Variants in CBR4 observed in about 807,000 individuals in gnomAD.
CBR4 encodes carbonyl reductase 4, also known as 3-oxoacyl-[acyl-carrier-protein] reductase.
Under a neutral mutation model 21.0 loss-of-function variants are expected in CBR4, and 22 were observed. The observed-to-expected ratio is 1.05, with a 90% confidence interval of 0.75 to 1.50. The LOEUF (loss-of-function observed/expected upper bound fraction) is 1.50, where lower values mean the gene tolerates loss of function less well. Among genes scored for constraint, CBR4 ranks in the 40% most tolerant of loss-of-function variants. The pLI, the probability that CBR4 is intolerant of heterozygous loss-of-function variation, is 0.00. For missense variants in CBR4, 302 were observed against 286.3 expected (o/e 1.05, Z -0.40); for synonymous variants, 100 against 104.4 (o/e 0.96, Z 0.26).
chr4:168,979,816 C>G lies in CBR4; in HGVS notation n.169+22255G>C, dbSNP rs185600965. ...GGGCGGAGCTCCCACAGGCAACTGA[C>G]AGCTCCTCTGCCACTGCCACTGCAA... is the stretch of plus-strand genomic sequence containing the variant. On this transcript the variant is annotated intron_variant and non_coding_transcript_variant, in intron 2 of 3. Transcript: ENST00000509108. 6.6e-5 allele frequency among the ~76,000 whole-genome samples: 10 copies of G among 152,308 alleles called. No homozygotes were observed. The East Asian group carries it at 1.9e-3, about 29-fold the overall frequency.
chr4:168,933,244 C>T (rs940008067), intron 2 of CBR4, among the ~76,000 whole-genome samples: 3 of 152,040 alleles, frequency 2.0e-5, no homozygotes, highest in African/African-American at 7.2e-5. Context: ...AAAAACCATG[C>T]AACTATATGC....
chr4:168,994,551 ATC>A (rs1765089976), intron 4 of CBR4, among the ~76,000 whole-genome samples: 1 of 152,036 alleles, frequency 6.6e-6, no homozygotes, highest in African/African-American at 2.4e-5. Flanking sequence ...AAAATGACAG[ATC>A]TCTGAGGTTT....
intron 2 of CBR4, among the ~76,000 whole-genome samples, chr4:168,969,202 G>T (rs1764131934): frequency 1.3e-5 from 2 of 152,342 alleles, no homozygotes; most frequent in Admixed American, 1.3e-4. Context: ...AGAAAGGTTG[G>T]ACAGCTGCTC....
chr4:168,904,323 A>G (rs1757167195), intron 2 of CBR4: 2 of 181,484 alleles, frequency 1.1e-5, no homozygotes, highest in African/African-American at 4.7e-5. Context: ...ACAAAGTAAA[A>G]TATTTTAAAA....
intron 2 of CBR4, among the ~76,000 whole-genome samples, chr4:168,938,112 T>G (rs542991808): frequency 6.6e-6 from 1 of 152,242 alleles, no homozygotes; most frequent in South Asian, 2.1e-4. Flanking sequence ...TAACAAACAG[T>G]CTGTCAGACC....
In CBR4 at chr4:168,989,156, T is replaced by C. The variant is rs1227013509; in HGVS notation, c.*994A>G. 3.1e-5 allele frequency: 30 copies of C among 966,352 alleles called. No homozygotes were observed. Among genetic ancestry groups the C allele is most frequent in the Non-Finnish European group, 3.3e-5 (27 of 812,618 alleles). The allele number at this position is 966,352 out of a possible 1,614,324, so 59.9% of individuals were successfully genotyped here. ...TTTATGCTTATTCATACAGAATTTA[T>C]TACTTTCTAGAATTTTGGGATAAGA... is the stretch of plus-strand genomic sequence containing the variant. On this transcript the variant is annotated 3_prime_UTR_variant, in exon 5 of 5. Coordinates refer to ENST00000306193, the MANE Select transcript of CBR4 (RefSeq NM_032783.5).
chr4:169,000,272 T>C (rs921198020), intron 4 of CBR4, among the ~76,000 whole-genome samples: 1 of 152,158 alleles, frequency 6.6e-6, no homozygotes, highest in Non-Finnish European at 1.5e-5. Context: ...GGATTGTTTT[T>C]TCTTTTTCTT....
chr4:168,953,710 C>T (rs1260017365), intron 2 of CBR4, among the ~76,000 whole-genome samples: 1 of 152,086 alleles, frequency 6.6e-6, no homozygotes, highest in East Asian at 1.9e-4. Context: ...AGGAGTGAGC[C>T]ACAATGTCCA....
At chr4:168,944,077 C>A (rs1371960697) in intron 2 of CBR4, among the ~76,000 whole-genome samples, 2 of 152,088 alleles carry the variant, frequency 1.3e-5, no homozygotes, top group Non-Finnish European at 2.9e-5. Context: ...TGTTGACTTT[C>A]CCTTTTGAAA....
At chr4:169,008,919 CAAT>C (rs1202674709) in intron 1 of CBR4, 2 of 450,186 alleles carry the variant, frequency 4.4e-6, no homozygotes, top group Non-Finnish European at 8.9e-6. Flanking sequence ...CCAAACCGAT[CAAT>C]AATGTTAACT....
At chr4:168,903,246 C>T (rs533654301) in intron 2 of CBR4, among the ~76,000 whole-genome samples, 2 of 152,160 alleles carry the variant, frequency 1.3e-5, no homozygotes, top group Non-Finnish European at 2.9e-5. Flanking sequence ...CATCACCTCC[C>T]TCCCTACCAA....
At chr4:168,990,360 G>A in intron 4 of CBR4, 32 bp from the exon 5 acceptor site, 7 of 1,494,012 alleles carry the variant, frequency 4.7e-6, no homozygotes, top group African/African-American at 4.3e-5. Context: ...AGTTGAAAAG[G>A]GTACACACTA....
Position 168,898,426 on chromosome 4 carries a change from G to T in CBR4, n.170-3661C>A, listed in dbSNP as rs1156906629. ...CTGTCTTCTAGGGCCTTATTGGGGG[G>T]CAGGGAGAGACGTGACACTTTGTCA... On this transcript the variant is annotated intron_variant and non_coding_transcript_variant, in intron 2 of 3. Transcript: ENST00000509108. 4 of 972,340 alleles carry T rather than the reference G, an allele frequency of 4.1e-6. No homozygotes were observed. The Admixed American group carries it at 6.9e-5, about 17-fold the overall frequency. The allele number at this position is 972,340 out of a possible 1,614,324, so 60.2% of individuals were successfully genotyped here.
chr4:169,001,947 T>G, intron 4 of CBR4, 124 bp downstream of exon 4: 2 of 987,700 alleles, frequency 2.0e-6, no homozygotes, highest in Non-Finnish European at 2.8e-6. Context: ...GTTCATTATT[T>G]GATTCTTTTC....
chr4:168,920,483 A>C (rs1761240427), intron 2 of CBR4, among the ~76,000 whole-genome samples: 1 of 152,134 alleles, frequency 6.6e-6, no homozygotes, highest in Admixed American at 6.5e-5. Context: ...TTTTGTATAT[A>C]ACTTCGTACT....
At chr4:168,898,753 T>G (rs771652742) in intron 2 of CBR4, 1 of 1,375,574 alleles carries the variant, frequency 7.3e-7, no homozygotes. Context: ...AGTCATTCTC[T>G]GAGGAAAGGT....
At position 168,990,091 on chromosome 4, in the gene CBR4, A is replaced by G. The variant is rs998229176; in HGVS notation, c.*59T>C. The G allele has an allele frequency of 9.0e-6, 13 of 1,438,170 alleles. No individual in the cohort carries two copies. The East Asian group carries it at 1.8e-4, about 20-fold the overall frequency. 89.1% of individuals were successfully genotyped at this position (1,438,170 alleles called of 1,614,324 possible). On this transcript the variant is annotated 3_prime_UTR_variant, in exon 5 of 5. Transcript: ENST00000306193. ...TTACCCATGTAGGTATAATTGTCTAATCAGTAGCCAAAGTGTGCCCTTGAT... is the reference window on the plus strand; with the variant it reads ...TTACCCATGTAGGTATAATTGTCTAGTCAGTAGCCAAAGTGTGCCCTTGAT...
intron 2 of CBR4, among the ~76,000 whole-genome samples, chr4:168,954,269 A>C (rs1763624242): frequency 1.3e-5 from 2 of 152,236 alleles, no homozygotes; most frequent in Non-Finnish European, 2.9e-5. Flanking sequence ...TTCTTTCAAA[A>C]TTCTGAGGAA....
chr4:168,943,410 A>C (rs890566247), intron 2 of CBR4, among the ~76,000 whole-genome samples: 1 of 152,236 alleles, frequency 6.6e-6, no homozygotes, highest in Non-Finnish European at 1.5e-5. Flanking sequence ...CTTTCCACTG[A>C]AAGCACCCAG....
Sources: gnomAD v4.1 joint callset for allele counts (sites outside exome capture counted in the v4.1 genomes callset) on GRCh38, gnomAD v4.1.1 for gene constraint, MANE v1.5 for transcripts, NCBI Gene and HGNC (gene_info 2026-07-23, HGNC 2026-07-21) for gene names.